The following RBM46 variants were observed in gnomAD, a reference collection of about 807,000 sequenced individuals.
RBM46 encodes probable RNA-binding protein 46.
In RBM46, 12 loss-of-function variants were observed where a neutral mutation model predicts 43.3. The ratio of observed to expected loss-of-function variants is 0.28; its 90% confidence interval spans 0.18 to 0.45. RBM46 has a LOEUF of 0.45. RBM46 is among the 20% of genes least tolerant of loss of function. The probability of loss-of-function intolerance (pLI) is 1.00; values close to 1 mark genes in which losing one functional copy is unlikely to be tolerated. For missense variants in RBM46, 412 were observed against 639.1 expected (o/e 0.64, Z 3.83); for synonymous variants, 205 against 207.6 (o/e 0.99, Z 0.11).
At chr4:154,820,400 A>G (rs779260371) in intron 4 of RBM46, 42 of 1,524,034 alleles carry the variant, frequency 2.8e-5, no homozygotes, top group Non-Finnish European at 3.6e-5. Context: ...ACCTGTGTAG[A>G]AGAATTTGGA....
intron 4 of RBM46, among the ~76,000 whole-genome samples, chr4:154,805,312 A>G (rs1734856726): frequency 6.6e-6 from 1 of 152,018 alleles, no homozygotes; most frequent in Admixed American, 6.6e-5. Flanking sequence ...AGATGAATCC[A>G]TCTTGATTTG....
chr4:154,788,859 T>C (rs1733927267), intron 1 of RBM46, among the ~76,000 whole-genome samples: 1 of 152,208 alleles, frequency 6.6e-6, no homozygotes, highest in Non-Finnish European at 1.5e-5. Flanking sequence ...TTTATTTCAT[T>C]GAGCAGTGGT....
chr4:154,806,069 A>C (rs1734892848), intron 4 of RBM46, among the ~76,000 whole-genome samples: 1 of 151,848 alleles, frequency 6.6e-6, no homozygotes. Flanking sequence ...AATTCCATTA[A>C]CTCAACTATG....
At chr4:154,792,160 C>T (rs1734126277) in intron 1 of RBM46, among the ~76,000 whole-genome samples, 1 of 152,092 alleles carries the variant, frequency 6.6e-6, no homozygotes, top group African/African-American at 2.4e-5. Context: ...ACCATATTTA[C>T]CTTATCAATT....
At chr4:154,826,039 A>G (rs1180149345) in intron 4 of RBM46, among the ~76,000 whole-genome samples, 1 of 152,140 alleles carries the variant, frequency 6.6e-6, no homozygotes, top group Non-Finnish European at 1.5e-5. Context: ...TAATTTTCAG[A>G]AGGAAAGAAT....
At chr4:154,827,356 G>A (rs1026474926) in intron 4 of RBM46, 21 of 978,306 alleles carry the variant, frequency 2.1e-5, no homozygotes, top group Non-Finnish European at 2.5e-5. Context: ...TTAGATAAGT[G>A]TTTATATTAG....
intron 4 of RBM46, among the ~76,000 whole-genome samples, chr4:154,822,569 A>T (rs989541078): frequency 5.4e-5 from 8 of 146,944 alleles, no homozygotes; most frequent in Admixed American, 2.0e-4. Flanking sequence ...AGTATAGCTT[A>T]AAAAAAAAAG....
At chr4:154,823,497 CAA>C (rs796343710) in intron 4 of RBM46, among the ~76,000 whole-genome samples, 1 of 151,336 alleles carries the variant, frequency 6.6e-6, no homozygotes, top group Non-Finnish European at 1.5e-5. Flanking sequence ...TAGTCAGAAA[CAA>C]AAGAAAAAGG....
At chr4:154,784,049 A>G (rs1733638295) in intron 1 of RBM46, among the ~76,000 whole-genome samples, 2 of 152,226 alleles carry the variant, frequency 1.3e-5, no homozygotes, top group South Asian at 2.1e-4. Flanking sequence ...TCCATGTACC[A>G]TACTCAATGA....
Position 154,798,191 on chromosome 4 carries a change from A to C in RBM46, c.532A>C (p.Thr178Pro). 6.2e-7 allele frequency: 1 copy of C among 1,613,532 alleles called. No individual in the cohort carries two copies. Among genetic ancestry groups the C allele is most frequent in the South Asian group, 1.1e-5 (1 of 90,810 alleles). The change falls in exon 3 of 5, where the codon ACT becomes CCT. Residue 178 changes from threonine (T) to proline (P), a missense_variant. Around this residue, in one of 8 missense-constraint regions of RBM46, gnomAD observed 48 missense variants for 78.9 expected, o/e 0.61. Transcript: ENST00000281722. Reference protein sequence around the residue: ...VVDVIVYPSATDKTKNRGFAF... With the variant: ...VVDVIVYPSAPDKTKNRGFAF... ...AGATGTCATTGTTTATCCAAGTGCA[A>C]CTGATAAGACCAAAAATCGTGGTTT...
intron 4 of RBM46, chr4:154,827,053 T>C: frequency 8.5e-7 from 1 of 1,183,168 alleles, no homozygotes; most frequent in Non-Finnish European, 1.0e-6. Context: ...TTTTGGAAGG[T>C]ACAGGATTTA....
intron 4 of RBM46, among the ~76,000 whole-genome samples, chr4:154,806,953 T>C (rs1340957660): frequency 1.3e-5 from 2 of 151,856 alleles, no homozygotes; most frequent in African/African-American, 4.8e-5. Flanking sequence ...ATAAATCTAT[T>C]TGATCATGCT....
chr4:154,805,473 A>G (rs976966812), intron 4 of RBM46, among the ~76,000 whole-genome samples: 2 of 152,034 alleles, frequency 1.3e-5, no homozygotes, highest in Non-Finnish European at 2.9e-5. Flanking sequence ...TTTTTCTGGT[A>G]ATTGAATAGT....
intron 4 of RBM46, among the ~76,000 whole-genome samples, chr4:154,804,811 GTTGT>G (rs1734826583): frequency 9.2e-6 from 1 of 108,714 alleles, no homozygotes; most frequent in African/African-American, 3.6e-5. Flanking sequence ...AATGATTAAG[GTTGT>G]TTTTTTTTTT....
chr4:154,788,199 C>T (rs956168963), intron 1 of RBM46, among the ~76,000 whole-genome samples: 1 of 152,122 alleles, frequency 6.6e-6, no homozygotes, highest in Non-Finnish European at 1.5e-5. Flanking sequence ...AATTAGATCC[C>T]ATTTGTGAAT....
At chr4:154,811,956 C>T (rs1367953030) in intron 4 of RBM46, among the ~76,000 whole-genome samples, 1 of 151,758 alleles carries the variant, frequency 6.6e-6, no homozygotes, top group Non-Finnish European at 1.5e-5. Flanking sequence ...GCTAGGATTA[C>T]AGGCATGAAT....
At chr4:154,826,322 G>A (rs1031670199) in intron 4 of RBM46, among the ~76,000 whole-genome samples, 1 of 152,094 alleles carries the variant, frequency 6.6e-6, no homozygotes, top group South Asian at 2.1e-4. Flanking sequence ...ACTGGGTATG[G>A]TGGTGGGTGC....
chr4:154,804,814 GTT>G (rs575968520), intron 4 of RBM46, among the ~76,000 whole-genome samples: 10,611 of 113,254 alleles, frequency 0.094, 1,064 homozygotes, highest in African/African-American at 0.27. Context: ...GATTAAGGTT[GTT>G]TTTTTTTTTT....
intron 4 of RBM46, among the ~76,000 whole-genome samples, chr4:154,806,362 T>C (rs1291445836): frequency 1.3e-5 from 2 of 151,856 alleles, no homozygotes; most frequent in South Asian, 2.1e-4. Flanking sequence ...ATGAATTGTT[T>C]AGTCATTGGA....
Sources: allele counts gnomAD v4.1 joint callset (sites outside exome capture counted in the v4.1 genomes callset), GRCh38; gene constraint gnomAD v4.1.1; regional missense constraint gnomAD v4.1.1; transcripts MANE v1.5; gene names NCBI Gene and HGNC (gene_info 2026-07-23, HGNC 2026-07-21).